The following AKT3 variants were observed in gnomAD, a reference collection of about 807,000 sequenced individuals.
The protein encoded by AKT3 is AKT serine/threonine kinase 3, also known as RAC-gamma serine/threonine-protein kinase.
A neutral mutation model predicts 65.3 loss-of-function variants in AKT3; 15 were observed. That is an observed-to-expected ratio of 0.23 (90% CI 0.15 to 0.35). The LOEUF (loss-of-function observed/expected upper bound fraction) is 0.35. AKT3 is among the 10% of genes least tolerant of loss of function. The pLI is 1.00. For missense variants in AKT3, 243 were observed against 576.5 expected (o/e 0.42, Z 5.92); for synonymous variants, 206 against 183.8 (o/e 1.12, Z -0.98).
At chr1:243,490,254 A>G (rs572469716) in intron 13 of AKT3, among the ~76,000 whole-genome samples, 34 of 152,322 alleles carry the variant, frequency 2.2e-4, no homozygotes, top group Admixed American at 4.6e-4. Flanking sequence ...GGCGCCACGG[A>G]GCTAAGGCCT....
At chr1:243,562,120 C>G (rs748883751) in intron 10 of AKT3, among the ~76,000 whole-genome samples, 26 of 152,118 alleles carry the variant, frequency 1.7e-4, no homozygotes, top group Non-Finnish European at 3.4e-4. Context: ...GTGGTATATC[C>G]ATATAATGGA....
intron 2 of AKT3, among the ~76,000 whole-genome samples, chr1:243,830,112 A>G (rs1694409952): frequency 6.6e-6 from 1 of 152,204 alleles, no homozygotes; most frequent in Non-Finnish European, 1.5e-5. Flanking sequence ...TTCAGGAAAA[A>G]GAAATCATCT....
intron 1 of AKT3, among the ~76,000 whole-genome samples, chr1:243,849,197 C>T (rs1318202105): frequency 6.6e-6 from 1 of 152,182 alleles, no homozygotes; most frequent in African/African-American, 2.4e-5. Context: ...AGGAGGTGGA[C>T]AAGGAAGAGG....
At chr1:243,801,620 A>C (rs11577755) in intron 2 of AKT3, among the ~76,000 whole-genome samples, 10 of 152,220 alleles carry the variant, frequency 6.6e-5, no homozygotes, top group Non-Finnish European at 1.3e-4. Flanking sequence ...AAACTCTTTG[A>C]AACAGAGTTC....
At chr1:243,750,691 C>G (rs1232666888) in intron 2 of AKT3, among the ~76,000 whole-genome samples, 1 of 151,558 alleles carries the variant, frequency 6.6e-6, no homozygotes, top group Non-Finnish European at 1.5e-5. Context: ...AAGTGATTCT[C>G]CTGCTTCAGC....
At chr1:243,621,891 T>A (rs1448912680) in intron 6 of AKT3, among the ~76,000 whole-genome samples, 1 of 152,146 alleles carries the variant, frequency 6.6e-6, no homozygotes. Flanking sequence ...AAGGTCTCAT[T>A]ATCATCACTA....
intron 2 of AKT3, among the ~76,000 whole-genome samples, chr1:243,803,585 G>A (rs1353755978): frequency 6.6e-6 from 1 of 151,820 alleles, no homozygotes; most frequent in African/African-American, 2.4e-5. Context: ...TAAGGAATGT[G>A]ATTTCAACAC....
chr1:243,570,771 G>A (rs1574627979), intron 9 of AKT3, among the ~76,000 whole-genome samples: 1 of 152,088 alleles, frequency 6.6e-6, no homozygotes, highest in Non-Finnish European at 1.5e-5. Flanking sequence ...ATTTTTCTAG[G>A]TGTACCTTTA....
chr1:243,613,594 T>C, intron 8 of AKT3, 77 bp downstream of exon 8: 1 of 1,176,022 alleles, frequency 8.5e-7, no homozygotes. Flanking sequence ...TGCTATATTG[T>C]AACTTGTATT....
chr1:243,771,341 A>T (rs1553449179), intron 2 of AKT3, among the ~76,000 whole-genome samples: 3 of 152,130 alleles, frequency 2.0e-5, no homozygotes, highest in Non-Finnish European at 2.9e-5. Context: ...GAGGGCACAG[A>T]CCATGTGTTT....
chr1:243,632,407 G>A (rs573996350), intron 6 of AKT3, among the ~76,000 whole-genome samples: 19 of 151,994 alleles, frequency 1.3e-4, no homozygotes, highest in Admixed American at 2.6e-4. Flanking sequence ...TTTTTCTGAG[G>A]AGGTCTCCAC....
rs58482932 is a variant in AKT3 at position 243,813,515 on chromosome 1, TAA to T, written c.46+29608_46+29609del. Among the ~76,000 whole-genome samples, 3 of 149,292 alleles carry T rather than the reference TAA, an allele frequency of 2.0e-5. No homozygotes were observed. In the East Asian group the frequency reaches 5.9e-4, roughly 29 times the overall value. On this transcript the variant is annotated intron_variant, in intron 2 of 13. Transcript: ENST00000673466. ...AAAAAAAAAGAAAAAAAGTACATAA[TAA>T]AAAAAAAATTAGAATCAGTGTCATA... is the stretch of plus-strand genomic sequence containing the variant.
intron 12 of AKT3, among the ~76,000 whole-genome samples, chr1:243,513,226 A>G (rs1558579089): frequency 6.6e-6 from 1 of 152,182 alleles, no homozygotes; most frequent in Non-Finnish European, 1.5e-5. Context: ...AGGAGCTAAC[A>G]CGAGGCTCCT....
At chr1:243,641,455 C>G (rs1382606149) in intron 5 of AKT3, among the ~76,000 whole-genome samples, 1 of 151,292 alleles carries the variant, frequency 6.6e-6, no homozygotes, top group East Asian at 1.9e-4. Flanking sequence ...ACAGTATGTT[C>G]CTCATTTTTT....
At position 243,843,173 on chromosome 1, in the gene AKT3, T is replaced by C. The variant is rs751107214; in HGVS notation, c.-3A>G. Reference sequence around the variant, plus strand: ...TTCACAATGGTAACATCGCTCATGATGACTCCCCTCTGAGCCCCCAACTTG... The same window carrying C: ...TTCACAATGGTAACATCGCTCATGACGACTCCCCTCTGAGCCCCCAACTTG... On this transcript the variant is annotated 5_prime_UTR_variant, in exon 2 of 14. Coordinates refer to ENST00000673466, the MANE Select transcript of AKT3 (RefSeq NM_005465.7). 50 of 1,613,302 alleles carry C rather than the reference T, an allele frequency of 3.1e-5. No homozygotes were observed. Among genetic ancestry groups the C allele is most frequent in the African/African-American group, 5.3e-5 (4 of 74,940 alleles).
intron 2 of AKT3, among the ~76,000 whole-genome samples, chr1:243,713,860 C>T (rs1443017907): frequency 6.6e-6 from 1 of 151,472 alleles, no homozygotes; most frequent in African/African-American, 2.4e-5. Flanking sequence ...ACATTGACAG[C>T]TCCTCCCTTA....
chr1:243,626,525 G>A (rs1679174783), intron 6 of AKT3, among the ~76,000 whole-genome samples: 1 of 152,160 alleles, frequency 6.6e-6, no homozygotes, highest in Admixed American at 6.5e-5. Flanking sequence ...CAGAGGTGAT[G>A]GGCTACCAAA....
chr1:243,548,373 T>A (rs1672821043), intron 11 of AKT3: 2 of 152,336 alleles, frequency 1.3e-5, no homozygotes, highest in Admixed American at 6.5e-5. Context: ...TTTCTAGCAA[T>A]ACTTTGGTTT....
At chr1:243,668,507 G>A (rs1179692687) in intron 3 of AKT3, among the ~76,000 whole-genome samples, 2 of 151,862 alleles carry the variant, frequency 1.3e-5, no homozygotes, top group African/African-American at 4.8e-5. Flanking sequence ...ATCAGGCTTT[G>A]AAGAAAAAAA....
Sources: gnomAD v4.1 joint callset for allele counts (sites outside exome capture counted in the v4.1 genomes callset) on GRCh38, gnomAD v4.1.1 for gene constraint, MANE v1.5 for transcripts, NCBI Gene and HGNC (gene_info 2026-07-23, HGNC 2026-07-21) for gene names.